Variants in DCLK1 observed in about 807,000 individuals in gnomAD.
The protein encoded by DCLK1 is doublecortin like kinase 1.
DCLK1 carries 16 observed loss-of-function variants against 86.2 expected under a neutral mutation model. That is an observed-to-expected ratio of 0.19 (90% CI 0.13 to 0.28). The LOEUF is 0.28. DCLK1 is among the 10% of genes least tolerant of loss of function. The pLI is 1.00. For missense variants in DCLK1, 590 were observed against 940.2 expected (o/e 0.63, Z 4.87); for synonymous variants, 369 against 370.5 (o/e 1.00, Z 0.05).
intron 16 of DCLK1, chr13:35,787,869 T>C (rs981513387): frequency 3.0e-6 from 1 of 337,544 alleles, no homozygotes; most frequent in Non-Finnish European, 5.7e-6. Context: ...GTTCTTCCAT[T>C]TGTTAAGGGA....
chr13:35,823,648 A>T (rs564087541), intron 10 of DCLK1, among the ~76,000 whole-genome samples: 1 of 152,318 alleles, frequency 6.6e-6, no homozygotes, highest in South Asian at 2.1e-4. Context: ...CCTAAGTTCC[A>T]TTTATTCAAA....
intron 3 of DCLK1, among the ~76,000 whole-genome samples, chr13:36,087,882 A>G (rs1884667999): frequency 6.6e-6 from 1 of 152,204 alleles, no homozygotes; most frequent in Non-Finnish European, 1.5e-5. Flanking sequence ...AGAGACGAAG[A>G]GGGCAAGAGG....
chr13:35,933,943 A>G (rs1478679193), intron 4 of DCLK1, among the ~76,000 whole-genome samples: 1 of 152,138 alleles, frequency 6.6e-6, no homozygotes, highest in Non-Finnish European at 1.5e-5. Context: ...TCAAACTTTT[A>G]TGCTCTGTTT....
At chr13:36,029,281 T>C (rs1320951265) in intron 3 of DCLK1, among the ~76,000 whole-genome samples, 1 of 152,150 alleles carries the variant, frequency 6.6e-6, no homozygotes, top group Non-Finnish European at 1.5e-5. Context: ...CACGGCACCA[T>C]ATACATTTGC....
intron 8 of DCLK1, among the ~76,000 whole-genome samples, chr13:35,829,326 A>C (rs1420683592): frequency 6.6e-6 from 1 of 152,248 alleles, no homozygotes; most frequent in Non-Finnish European, 1.5e-5. Context: ...TCATAATCAT[A>C]GTAAACCACG....
At chr13:35,963,833 T>G (rs1431170188) in intron 3 of DCLK1, among the ~76,000 whole-genome samples, 1 of 152,212 alleles carries the variant, frequency 6.6e-6, no homozygotes, top group Non-Finnish European at 1.5e-5. Flanking sequence ...CCTCTTTCCC[T>G]TCTGCCACAA....
At chr13:36,116,799 G>GA (rs1247782425) in intron 2 of DCLK1, among the ~76,000 whole-genome samples, 1 of 152,088 alleles carries the variant, frequency 6.6e-6, no homozygotes, top group Non-Finnish European at 1.5e-5. Flanking sequence ...CAAAATCTAG[G>GA]AAAAACTCAA....
rs1414798084 is a variant in DCLK1 at position 35,810,881 on chromosome 13, A to G, written c.1642T>C (p.Cys548Arg). The change falls in exon 12 of 17, where the codon TGT becomes CGT. Residue 548 changes from cysteine (C) to arginine (R), a missense_variant. This residue lies in a region of DCLK1 where 28 missense variants were observed against 77.1 expected (regional missense o/e 0.36). Transcript: ENST00000360631. Reference sequence around the variant, plus strand: ...GGAGCCACGTATGTTGGGGTGCCACAGACTGTGTACAGGGGGCCGTCTACA... The same window carrying G: ...GGAGCCACGTATGTTGGGGTGCCACGGACTGTGTACAGGGGGCCGTCTACA... The part of the protein sequence containing the change: ...TIVDGPLYTV[C>R]GTPTYVAPEI... The G allele has an allele frequency of 6.2e-7, 1 of 1,614,064 alleles. No individual in the cohort carries two copies. Among genetic ancestry groups the G allele is most frequent in the Non-Finnish European group, 8.5e-7 (1 of 1,179,954 alleles).
At chr13:36,105,729 T>C (rs1885370263) in intron 3 of DCLK1, among the ~76,000 whole-genome samples, 1 of 152,220 alleles carries the variant, frequency 6.6e-6, no homozygotes, top group African/African-American at 2.4e-5. Flanking sequence ...GTAGGCTAAC[T>C]TAATTTTCCA....
At chr13:35,830,050 A>T (rs754164548) in intron 8 of DCLK1, among the ~76,000 whole-genome samples, 2 of 152,202 alleles carry the variant, frequency 1.3e-5, no homozygotes, top group Non-Finnish European at 2.9e-5. Context: ...GGGGTAGAGG[A>T]GGAGAAGGCA....
At position 35,827,680 on chromosome 13, in the gene DCLK1, C is replaced by T. The variant is rs770326841; in HGVS notation, c.1362G>A (p.Glu454=). 9 of 1,614,028 alleles carry T rather than the reference C, an allele frequency of 5.6e-6. No homozygotes were observed. The highest frequency in any genetic ancestry group is 1.1e-5 in the South Asian group (1 of 91,076). The change falls in exon 10 of 17, where the codon GAG becomes GAA. Residue 454 remains glutamate (E), a synonymous_variant. Transcript: ENST00000360631. ...GATACAGTTCAGTTGGCACATCCAT[C>T]TCCTCAATCAGAAGAACGATATTGG... ...KHPNIVLLIE[E]MDVPTELYLV... is the part of the protein sequence containing the mutation.
At chr13:35,873,301 G>T (rs1384027894) in intron 4 of DCLK1, among the ~76,000 whole-genome samples, 1 of 151,924 alleles carries the variant, frequency 6.6e-6, no homozygotes, top group Non-Finnish European at 1.5e-5. Context: ...TAAAAAATTT[G>T]CTGAACAAAG....
chr13:35,791,039 T>C (rs1432201191), intron 16 of DCLK1, among the ~76,000 whole-genome samples: 3 of 152,188 alleles, frequency 2.0e-5, no homozygotes, highest in Admixed American at 1.3e-4. Context: ...TTCTAGAAGG[T>C]AGAGATATTT....
intron 3 of DCLK1, among the ~76,000 whole-genome samples, chr13:36,018,176 C>G (rs567545366): frequency 6.6e-6 from 1 of 152,308 alleles, no homozygotes; most frequent in East Asian, 1.9e-4. Flanking sequence ...GATTTCTCTA[C>G]ACTACACATT....
intron 3 of DCLK1, among the ~76,000 whole-genome samples, chr13:36,031,884 G>T (rs1348823785): frequency 6.6e-6 from 1 of 152,180 alleles, no homozygotes; most frequent in Non-Finnish European, 1.5e-5. Context: ...TCCCTGCTAG[G>T]CCCCACCTGA....
chr13:35,979,144 C>T (rs947699614), intron 3 of DCLK1, among the ~76,000 whole-genome samples: 2 of 152,294 alleles, frequency 1.3e-5, no homozygotes, highest in South Asian at 2.1e-4. Flanking sequence ...AAAACAGAAG[C>T]TATGTTTTTG....
chr13:36,096,142 C>T (rs1020275678), intron 3 of DCLK1, among the ~76,000 whole-genome samples: 1 of 152,124 alleles, frequency 6.6e-6, no homozygotes, highest in Non-Finnish European at 1.5e-5. Flanking sequence ...AGACAGATTA[C>T]CAAGAAGGAG....
At chr13:36,091,814 C>T (rs1787755116) in intron 3 of DCLK1, among the ~76,000 whole-genome samples, 1 of 152,264 alleles carries the variant, frequency 6.6e-6, no homozygotes, top group South Asian at 2.1e-4. Flanking sequence ...CTATCCATTT[C>T]CCCCACTACT....
At chr13:36,082,405 A>G (rs571715847) in intron 3 of DCLK1, among the ~76,000 whole-genome samples, 1 of 152,344 alleles carries the variant, frequency 6.6e-6, no homozygotes, top group African/African-American at 2.4e-5. Context: ...GTTATCGGTA[A>G]GGCTTCTGGT....
Sources: gnomAD v4.1 joint callset for allele counts (sites outside exome capture counted in the v4.1 genomes callset) on GRCh38, gnomAD v4.1.1 for gene constraint, gnomAD v4.1.1 regional missense constraint, MANE v1.5 for transcripts, NCBI Gene and HGNC (gene_info 2026-07-23, HGNC 2026-07-21) for gene names.